The following CACNA2D3 variants were observed in gnomAD, a reference collection of about 807,000 sequenced individuals.
The protein encoded by CACNA2D3 is voltage-dependent calcium channel subunit alpha-2/delta-3.
Under a neutral mutation model 160.6 loss-of-function variants are expected in CACNA2D3, and 60 were observed. The ratio of observed to expected loss-of-function variants is 0.37; its 90% CI spans 0.30 to 0.46. The LOEUF is 0.46. CACNA2D3 is among the 20% of genes least tolerant of loss of function. CACNA2D3 has a pLI of 1.00. For synonymous variants in CACNA2D3, 558 were observed against 492.9 expected (o/e 1.13, Z -1.75); for missense variants, 1,205 against 1,365.0 (o/e 0.88, Z 1.85).
At chr3:54,780,514 T>C (rs1702513008) in intron 13 of CACNA2D3, among the ~76,000 whole-genome samples, 2 of 152,182 alleles carry the variant, frequency 1.3e-5, no homozygotes, top group South Asian at 4.1e-4. Flanking sequence ...GATTTTTTGG[T>C]GGGACATCAT....
intron 31 of CACNA2D3, among the ~76,000 whole-genome samples, chr3:54,991,348 G>T (rs1336230155): frequency 6.6e-6 from 1 of 151,146 alleles, no homozygotes; most frequent in Admixed American, 6.6e-5. Flanking sequence ...TCATCCTCCC[G>T]AGTAGCTGGG....
At chr3:54,414,397 C>CA (rs1207467111) in intron 4 of CACNA2D3, among the ~76,000 whole-genome samples, 1 of 152,004 alleles carries the variant, frequency 6.6e-6, no homozygotes, top group East Asian at 1.9e-4. Flanking sequence ...AGTTTAAAGA[C>CA]AAAAAGTGCA....
At chr3:54,527,002 A>G (rs1037354872) in intron 5 of CACNA2D3, among the ~76,000 whole-genome samples, 3 of 152,120 alleles carry the variant, frequency 2.0e-5, no homozygotes, top group Admixed American at 6.5e-5. Flanking sequence ...GGCACCCCCA[A>G]TTGTTGACTG....
At position 54,122,664 on chromosome 3, in the gene CACNA2D3, C is replaced by G. The variant is rs1245411087; in HGVS notation, c.-50C>G. On this transcript the variant is annotated 5_prime_UTR_variant, in exon 1 of 38. Transcript: ENST00000474759. The stretch of plus-strand genomic sequence containing the variant: ...CCACCGCCCGCTCCGCGCAGCTCCC[C>G]GCGGCCGCTCTCGTCGCCGCCGCAG... 1.5e-5 allele frequency: 15 copies of G among 1,017,612 alleles called. No individual in the cohort carries two copies. Among genetic ancestry groups the G allele is most frequent in the African/African-American group, 1.7e-5 (1 of 57,350 alleles). The allele number at this position is 1,017,612 out of a possible 1,614,324, so 63.0% of individuals were successfully genotyped here. A position where few individuals can be genotyped will look rare whatever the true frequency, so the allele number is the denominator to read the frequency against.
At chr3:54,301,694 C>T (rs1216160061) in intron 2 of CACNA2D3, among the ~76,000 whole-genome samples, 4 of 152,152 alleles carry the variant, frequency 2.6e-5, no homozygotes, top group Non-Finnish European at 5.9e-5. Flanking sequence ...CAGATTTTAT[C>T]CTACCCCATG....
chr3:54,449,228 C>T lies in CACNA2D3; in HGVS notation c.382-54264C>T, dbSNP rs73089465. Among the ~76,000 whole-genome samples, 7 of 152,068 alleles carry T rather than the reference C, an allele frequency of 4.6e-5. No individual in the cohort carries two copies. In the South Asian group the frequency reaches 8.3e-4, roughly 18 times the overall value. On this transcript the variant is annotated intron_variant, in intron 4 of 37. Transcript: ENST00000474759. ...AATGGACAAACCACAAGAGAGAGAG[C>T]GCTCTGGCTTCATTTGATACAAACA...
At chr3:54,785,344 A>G (rs6793171) in intron 13 of CACNA2D3, among the ~76,000 whole-genome samples, 42,610 of 152,062 alleles carry the variant, frequency 0.28, 6,785 homozygotes, top group East Asian at 0.5. Flanking sequence ...ATTGGCCTTC[A>G]TTAGGAGATC....
At chr3:54,633,278 T>G (rs1699287094) in intron 10 of CACNA2D3, among the ~76,000 whole-genome samples, 2 of 152,182 alleles carry the variant, frequency 1.3e-5, no homozygotes, top group Admixed American at 1.3e-4. Context: ...ATTCTAGAGC[T>G]TGATGGTCTG....
intron 10 of CACNA2D3, among the ~76,000 whole-genome samples, chr3:54,628,773 A>G (rs532866372): frequency 2.0e-5 from 3 of 152,326 alleles, no homozygotes; most frequent in South Asian, 4.1e-4. Flanking sequence ...ACAGATTAGC[A>G]TCAGCAGGAG....
rs776427804 is a variant in CACNA2D3, at chr3:54,123,531, G to C, written c.141G>C (p.Ser47=). The C allele has an allele frequency of 6.2e-7, 1 of 1,613,828 alleles. No homozygotes were observed. The highest frequency in any genetic ancestry group is 1.7e-5 in the Admixed American group (1 of 60,010). The change falls in exon 2 of 38, where the codon TCG becomes TCC. Residue 47 remains serine (S), a synonymous_variant. Coordinates refer to ENST00000474759, the MANE Select transcript of CACNA2D3 (RefSeq NM_018398.3). ...CCTGTAGGGTGAAGCTCTGGGCCTC[G>C]GCTTTTGGTGGGGAGATAAAATCCA... is the stretch of plus-strand genomic sequence containing the variant. ...IPLSVVKLWA[S]AFGGEIKSIA...
intron 4 of CACNA2D3, among the ~76,000 whole-genome samples, chr3:54,450,078 G>A (rs1011247451): frequency 1.3e-5 from 2 of 152,174 alleles, no homozygotes; most frequent in Non-Finnish European, 2.9e-5. Context: ...CTACAAATCA[G>A]GTTCATGGTT....
intron 9 of CACNA2D3, among the ~76,000 whole-genome samples, chr3:54,611,296 C>T (rs1409125553): frequency 1.4e-4 from 21 of 152,198 alleles, no homozygotes; most frequent in Admixed American, 1.4e-3. Flanking sequence ...TAATTGTCAA[C>T]CCTTTCTCAG....
intron 11 of CACNA2D3, among the ~76,000 whole-genome samples, chr3:54,747,737 G>T (rs975345760): frequency 1.3e-5 from 2 of 151,982 alleles, no homozygotes; most frequent in Non-Finnish European, 2.9e-5. Context: ...TTGTACCTTT[G>T]GTTCCCTTCA....
chr3:54,298,785 A>C (rs1703399330), intron 2 of CACNA2D3, among the ~76,000 whole-genome samples: 1 of 151,046 alleles, frequency 6.6e-6, no homozygotes, highest in Admixed American at 6.6e-5. Context: ...TCTGGCCTAG[A>C]AGGAAAGTGG....
intron 5 of CACNA2D3, among the ~76,000 whole-genome samples, chr3:54,517,074 A>T (rs1701563267): frequency 6.6e-6 from 1 of 152,056 alleles, no homozygotes; most frequent in Non-Finnish European, 1.5e-5. Flanking sequence ...TAAGGATCAC[A>T]CGGATTTGGG....
intron 6 of CACNA2D3, among the ~76,000 whole-genome samples, chr3:54,564,612 T>C (rs906223839): frequency 2.0e-5 from 3 of 152,194 alleles, no homozygotes; most frequent in African/African-American, 7.2e-5. Context: ...CCTCTTTCCA[T>C]TGTTAGAGTG....
chr3:54,786,370 C>T (rs1343341191), intron 13 of CACNA2D3, among the ~76,000 whole-genome samples: 2 of 152,160 alleles, frequency 1.3e-5, no homozygotes. Context: ...CCTGATTTTA[C>T]TCTTGTTATA....
At chr3:54,316,086 TG>T (rs1703853791) in intron 2 of CACNA2D3, among the ~76,000 whole-genome samples, 1 of 151,996 alleles carries the variant, frequency 6.6e-6, no homozygotes, top group African/African-American at 2.4e-5. Flanking sequence ...GGTGTGTGTG[TG>T]TGTGTGTGCA....
chr3:55,025,505 G>A lies in CACNA2D3; in HGVS notation c.2987+7188G>A, dbSNP rs1383931706. Reference sequence around the variant, plus strand: ...AAATTGGCCAGGCAGGGTGGTATGCGCCTGTGATCCCAGCTGCTACTCGGG... The same window carrying A: ...AAATTGGCCAGGCAGGGTGGTATGCACCTGTGATCCCAGCTGCTACTCGGG... On this transcript the variant is annotated intron_variant, in intron 35 of 37. Coordinates refer to ENST00000474759, the MANE Select transcript of CACNA2D3 (RefSeq NM_018398.3). Among the ~76,000 whole-genome samples the A allele has an allele frequency of 2.6e-5, 4 of 151,972 alleles. No individual in the cohort carries two copies. The South Asian group carries it at 6.2e-4, about 24-fold the overall frequency.
Sources: allele counts gnomAD v4.1 joint callset (sites outside exome capture counted in the v4.1 genomes callset), GRCh38; gene constraint gnomAD v4.1.1; transcripts MANE v1.5; gene names NCBI Gene and HGNC (gene_info 2026-07-23, HGNC 2026-07-21).